Variants in PKHD1 observed in about 807,000 individuals in gnomAD.
The protein encoded by PKHD1 is PKHD1 ciliary IPT domain containing fibrocystin/polyductin.
A neutral mutation model predicts 412.0 loss-of-function variants in PKHD1; 291 were observed. That is an observed-to-expected ratio of 0.71 (90% confidence interval 0.64 to 0.78). The LOEUF is 0.78. Among genes scored for constraint, PKHD1 ranks in the 30% least tolerant of loss-of-function variants. The probability of loss-of-function intolerance (pLI) is 0.00; values close to 1 mark genes in which losing one functional copy is unlikely to be tolerated. For synonymous variants in PKHD1, 1,777 were observed against 1,821.5 expected (o/e 0.98, Z 0.62); for missense variants, 4,825 against 4,950.7 (o/e 0.97, Z 0.76).
At chr6:51,735,561 C>A (rs1277594283) in intron 60 of PKHD1, among the ~76,000 whole-genome samples, 1 of 152,050 alleles carries the variant, frequency 6.6e-6, no homozygotes, top group African/African-American at 2.4e-5. Flanking sequence ...AAACAGTTAA[C>A]ACTGAAGAAT....
At chr6:51,936,469 T>C (rs1787496195) in intron 36 of PKHD1, among the ~76,000 whole-genome samples, 2 of 152,222 alleles carry the variant, frequency 1.3e-5, no homozygotes, top group Non-Finnish European at 2.9e-5. Flanking sequence ...TGCCAAGTTA[T>C]TGAGTTGAGT....
At chr6:51,630,738 T>C (rs2150295429) in intron 65 of PKHD1, among the ~76,000 whole-genome samples, 1 of 152,298 alleles carries the variant, frequency 6.6e-6, no homozygotes, top group East Asian at 1.9e-4. Context: ...AAATGAAAGT[T>C]AATTTTAGAA....
chr6:51,907,436 T>C (rs1404532777), intron 40 of PKHD1, among the ~76,000 whole-genome samples: 2 of 152,122 alleles, frequency 1.3e-5, no homozygotes, highest in Non-Finnish European at 2.9e-5. Context: ...CATATCTACT[T>C]CTGTAGCAAA....
rs528015081 is a variant in PKHD1 at position 51,889,780 on chromosome 6, C to T, written c.6997-2535G>A. The stretch of plus-strand genomic sequence containing the variant: ...AGAGAGTAACGCTAAGGGTTACTAA[C>T]GTTCCTAGGAGACATTCAAAGAGGA... On this transcript the variant is annotated intron_variant, in intron 43 of 66. Transcript: ENST00000371117. Among the ~76,000 whole-genome samples, 272 of 152,204 alleles carry T rather than the reference C, an allele frequency of 1.8e-3. 1 individual carries two copies. Among genetic ancestry groups the T allele is most frequent in the Admixed American group, 5.2e-3 (80 of 15,300 alleles).
At chr6:51,682,309 T>C (rs1311497099) in intron 60 of PKHD1, 2 of 441,656 alleles carry the variant, frequency 4.5e-6, no homozygotes, top group African/African-American at 4.1e-5. Flanking sequence ...ACATAATTTA[T>C]CATAATATTC....
At chr6:51,952,906 A>C (rs1583539162) in intron 36 of PKHD1, among the ~76,000 whole-genome samples, 1 of 152,214 alleles carries the variant, frequency 6.6e-6, no homozygotes, top group East Asian at 1.9e-4. Context: ...GCACACACAC[A>C]AACAACATTA....
At chr6:51,859,274 C>G (rs1773795397) in intron 48 of PKHD1, among the ~76,000 whole-genome samples, 1 of 151,976 alleles carries the variant, frequency 6.6e-6, no homozygotes, top group Non-Finnish European at 1.5e-5. Flanking sequence ...TGCCTGTAAT[C>G]CCAGCACTTT....
chr6:51,862,654 A>G (rs952168148), intron 48 of PKHD1, among the ~76,000 whole-genome samples: 1 of 152,206 alleles, frequency 6.6e-6, no homozygotes, highest in African/African-American at 2.4e-5. Flanking sequence ...GAGTGGTTAC[A>G]TAGGTAAAAA....
At position 52,026,046 on chromosome 6, in the gene PKHD1, G is replaced by C. The variant is rs1318827462; in HGVS notation, c.3764C>G (p.Pro1255Arg). Residue 1255 changes from proline to arginine, a missense_variant, in exon 32 of 67, where the codon CCC (proline) becomes CGC (arginine). Transcript: ENST00000371117. ...GGGAGCGCCCGCATCGGGTATCTGG[G>C]GGGCTGGCAGGGTTTCACACCAGAT... ...ASIWCETLPA[P>R]QIPDAGAPTV... 1.9e-6 allele frequency: 3 copies of C among 1,614,132 alleles called. No homozygotes were observed. The highest frequency in any genetic ancestry group is 2.2e-5 in the East Asian group (1 of 44,880).
chr6:51,851,800 CTTT>C lies in PKHD1; in HGVS notation c.7912-3833_7912-3831del, dbSNP rs77888251. ...TGTTTCTATTTGACTCTTTTCTCTT[CTTT>C]GTTAATCTAGCTAGCGGTCTATCTA... On this transcript the variant is annotated intron_variant, in intron 49 of 66. Transcript: ENST00000371117. Among the ~76,000 whole-genome samples the C allele has an allele frequency of 6.0e-5, 9 of 150,722 alleles. No individual in the cohort carries two copies. The East Asian group carries it at 1.4e-3, about 23-fold the overall frequency.
chr6:51,926,693 C>T (rs1484553789), intron 37 of PKHD1, among the ~76,000 whole-genome samples: 3 of 151,978 alleles, frequency 2.0e-5, no homozygotes, highest in Non-Finnish European at 4.4e-5. Context: ...TTTAAGGAAC[C>T]CTTTCTTAAA....
intron 53 of PKHD1, among the ~76,000 whole-genome samples, chr6:51,786,122 A>G (rs1305415540): frequency 6.6e-6 from 1 of 152,124 alleles, no homozygotes; most frequent in Non-Finnish European, 1.5e-5. Context: ...TAGTTCATAT[A>G]ACTTGCCGAG....
chr6:51,925,140 T>C (rs1271120770), intron 37 of PKHD1, among the ~76,000 whole-genome samples: 1 of 152,160 alleles, frequency 6.6e-6, no homozygotes, highest in Non-Finnish European at 1.5e-5. Context: ...GAGTACTCTA[T>C]GACGGAGCAA....
At chr6:51,780,398 A>G (rs1021476031) in intron 53 of PKHD1, among the ~76,000 whole-genome samples, 30 of 152,048 alleles carry the variant, frequency 2.0e-4, no homozygotes, top group Non-Finnish European at 3.8e-4. Context: ...AAGAAAAAAA[A>G]AAAAGAAAGT....
chr6:51,907,149 T>C (rs1431819702), intron 40 of PKHD1, among the ~76,000 whole-genome samples: 1 of 152,104 alleles, frequency 6.6e-6, no homozygotes, highest in Non-Finnish European at 1.5e-5. Context: ...ATAATAAAAA[T>C]CCATTATTTG....
intron 54 of PKHD1, among the ~76,000 whole-genome samples, chr6:51,773,391 C>T (rs536414893): frequency 6.6e-6 from 1 of 151,854 alleles, no homozygotes; most frequent in Admixed American, 6.6e-5. Flanking sequence ...GTCTTTCTTC[C>T]TATATGTTTT....
Position 51,687,285 on chromosome 6 carries a change from A to C in PKHD1, c.10157-27316T>G, listed in dbSNP as rs536164009. On this transcript the variant is annotated intron_variant, in intron 60 of 66. Coordinates refer to ENST00000371117, the MANE Select transcript of PKHD1 (RefSeq NM_138694.4). ...ATACAACAAAAATCAGATGATAAAAAATGAAAAAAAAAGTTGCATTTGTAT... is the reference window on the plus strand; with the variant it reads ...ATACAACAAAAATCAGATGATAAAACATGAAAAAAAAAGTTGCATTTGTAT... Among the ~76,000 whole-genome samples the C allele has an allele frequency of 2.0e-5, 3 of 150,776 alleles. No homozygotes were observed. The East Asian group carries it at 5.9e-4, about 30-fold the overall frequency.
At chr6:51,787,956 G>T (rs1366945988) in intron 53 of PKHD1, among the ~76,000 whole-genome samples, 1 of 152,160 alleles carries the variant, frequency 6.6e-6, no homozygotes, top group Non-Finnish European at 1.5e-5. Context: ...CAATTAATTG[G>T]ATGAGGATTT....
At position 52,065,051 on chromosome 6, in the gene PKHD1, C is replaced by T. The variant is rs1554220431; in HGVS notation, c.881-1G>A. 3 of 1,563,094 alleles carry T rather than the reference C, an allele frequency of 1.9e-6. No individual in the cohort carries two copies. Among genetic ancestry groups the T allele is most frequent in the African/African-American group, 2.9e-5 (2 of 69,644 alleles). On this transcript the variant is annotated splice_acceptor_variant, in intron 12 of 66. Coordinates refer to ENST00000371117, the MANE Select transcript of PKHD1 (RefSeq NM_138694.4). LOFTEE classifies it high-confidence loss of function. Reference sequence around the variant, plus strand: ...ACGTGTCTAATATCACATGGAATGCCTAAAGCGAATTAAAGAAATTTATGT... The same window carrying T: ...ACGTGTCTAATATCACATGGAATGCTTAAAGCGAATTAAAGAAATTTATGT...
Sources: gnomAD v4.1 joint callset for allele counts (sites outside exome capture counted in the v4.1 genomes callset) on GRCh38, gnomAD v4.1.1 for gene constraint, MANE v1.5 for transcripts, NCBI Gene and HGNC (gene_info 2026-07-23, HGNC 2026-07-21) for gene names.